BTD: variants seen among roughly 807,000 people sequenced by gnomAD.
BTD encodes the protein biotinidase, also known as biocytinase.
Under a neutral mutation model 17.7 loss-of-function variants are expected in BTD, and 13 were observed. That is an observed-to-expected ratio of 0.74 (90% CI 0.48 to 1.17). BTD has a LOEUF of 1.17. Ranked by LOEUF, BTD falls within the 50% of genes most tolerant of loss-of-function variation. BTD has a pLI of 0.00. For synonymous variants in BTD, 240 were observed against 245.2 expected (o/e 0.98, Z 0.20); for missense variants, 674 against 650.4 (o/e 1.04, Z -0.39).
rs1020187337 is a variant in BTD, at chr3:15,651,439, A to G, written c.*5951A>G. On this transcript the variant is annotated 3_prime_UTR_variant, in exon 4 of 4. Coordinates refer to ENST00000643237, the MANE Select transcript of BTD (RefSeq NM_001370658.1). ...AAGGATAATGCACTACCCAGCGGCC[A>G]GCGACAGCAGGAGCTATGAGCACCC... 2.0e-5 allele frequency among the ~76,000 whole-genome samples: 3 copies of G among 152,226 alleles called. No individual in the cohort carries two copies. The highest frequency in any genetic ancestry group is 2.9e-5 in the Non-Finnish European group (2 of 68,042).
intron 1 of BTD, chr3:15,631,614 C>T: frequency 1.2e-6 from 1 of 846,780 alleles, no homozygotes; most frequent in Middle Eastern, 2.3e-4. Context: ...AAGAACCTTC[C>T]TGATCAGGAC....
chr3:15,644,670 T>C lies in BTD; in HGVS notation c.754T>C (p.Trp252Arg). ...KVKHVVYPTA[W>R]MNQLPLLAAI... is the part of the protein sequence containing the mutation. ...GAAGCATGTTGTGTACCCAACTGCC[T>C]GGATGAACCAGCTCCCACTCTTGGC... Residue 252 changes from tryptophan to arginine, a missense_variant, in exon 4 of 4, where the codon TGG (tryptophan) becomes CGG (arginine). Trp to Arg is a moderately radical substitution (Grantham distance 101, BLOSUM62 -3). Transcript: ENST00000643237. The C allele has an allele frequency of 6.2e-7, 1 of 1,614,210 alleles. No homozygotes were observed. The highest frequency in any genetic ancestry group is 1.1e-5 in the South Asian group (1 of 91,088).
At chr3:15,615,872 G>T (rs907610236) in intron 1 of BTD, among the ~76,000 whole-genome samples, 1 of 152,132 alleles carries the variant, frequency 6.6e-6, no homozygotes, top group East Asian at 1.9e-4. Context: ...TTCCACCACT[G>T]GAAATGTTAC....
Position 15,644,625 on chromosome 3 carries a change from G to T in BTD, c.709G>T (p.Val237Phe). 1 of 1,614,172 alleles carries T rather than the reference G, an allele frequency of 6.2e-7. No individual in the cohort carries two copies. Among genetic ancestry groups the T allele is most frequent in the Non-Finnish European group, 8.5e-7 (1 of 1,180,030 alleles). The change falls in exon 4 of 4, where the codon GTC becomes TTC. Residue 237 changes from valine to phenylalanine, a missense_variant. Val to Phe is a conservative substitution (Grantham distance 50). Transcript: ENST00000643237. Reference protein sequence around the residue: ...DILFFDPAIRVLRDYKVKHVV... With the variant: ...DILFFDPAIRFLRDYKVKHVV... ...ATTGTTCTTTGACCCTGCCATCAGA[G>T]TCCTCAGAGACTACAAGGTGAAGCA...
chr3:15,623,513 T>G (rs1186484192), intron 1 of BTD, among the ~76,000 whole-genome samples: 16 of 152,234 alleles, frequency 1.1e-4, no homozygotes, highest in Non-Finnish European at 2.9e-5. Context: ...AGTTTTGGTG[T>G]TTTAATTGAA....
chr3:15,668,759 T>C (rs1022808275), intron 3 of BTD: 1 of 152,598 alleles, frequency 6.6e-6, no homozygotes, highest in Non-Finnish European at 1.5e-5. Context: ...ATCAAATAGA[T>C]CAAAATACTG....
chr3:15,693,319 T>C (rs78064479), intron 3 of BTD, among the ~76,000 whole-genome samples: 59 of 150,290 alleles, frequency 3.9e-4, no homozygotes, highest in Non-Finnish European at 7.4e-4. Context: ...AAAATAGTAA[T>C]GGGGGGGCAG....
At chr3:15,670,538 G>A (rs768759447) in intron 3 of BTD, 3 of 1,613,782 alleles carry the variant, frequency 1.9e-6, no homozygotes, top group Non-Finnish European at 1.7e-6. Flanking sequence ...GGGAGCACAG[G>A]CCAAAGCTGG....
At chr3:15,686,364 A>T in intron 3 of BTD, 1 of 1,354,984 alleles carries the variant, frequency 7.4e-7, no homozygotes, top group South Asian at 1.3e-5. Context: ...AAAATAGAAA[A>T]TGTCCATCTA....
At chr3:15,697,165 A>G (rs2069717609) in intron 3 of BTD, 2 of 152,218 alleles carry the variant, frequency 1.3e-5, no homozygotes, top group Admixed American at 6.5e-5. Context: ...GGAGATCATT[A>G]TTCTAAGTGA....
intron 3 of BTD, among the ~76,000 whole-genome samples, chr3:15,658,989 C>G (rs1187540848): frequency 2.6e-5 from 4 of 152,198 alleles, no homozygotes; most frequent in African/African-American, 4.8e-5. Context: ...CCACTGATCA[C>G]AGGGGGCTGT....
At chr3:15,716,074 C>T (rs1463465897), downstream of BTD, among the ~76,000 whole-genome samples, 1 of 151,392 alleles carries the variant, frequency 6.6e-6, no homozygotes, top group Non-Finnish European at 1.5e-5. Context: ...CCTCCGCCTC[C>T]CGGGTTCAAG....
intron 4 of BTD, among the ~76,000 whole-genome samples, chr3:15,717,791 C>A (rs2073246311): frequency 6.6e-6 from 1 of 152,132 alleles, no homozygotes; most frequent in Non-Finnish European, 1.5e-5. Flanking sequence ...AAAAAACAGA[C>A]CTATACTGCT....
intron 3 of BTD, chr3:15,670,503 C>T (rs369389957): frequency 1.2e-6 from 2 of 1,613,874 alleles, no homozygotes; most frequent in Non-Finnish European, 1.7e-6. Flanking sequence ...AAAATGAGAG[C>T]CAGGCAATCA....
Position 15,678,336 on chromosome 3 carries a change from G to A in BTD, c.400-31724G>A, listed in dbSNP as rs775806991. On this transcript the variant is annotated intron_variant, in intron 3 of 3. Coordinates refer to the BTD transcript ENST00000672141. ...AACACTCTACATGGTCTGTGAAGGC[G>A]GCTGCATGGAGAGGAGTTCTGTGAT... 34 of 1,606,490 alleles carry A rather than the reference G, an allele frequency of 2.1e-5. 1 individual carries two copies. The Middle Eastern group carries it at 6.6e-4, about 31-fold the overall frequency.
chr3:15,602,187 C>CTTAAA, intron 1 of BTD: 1 of 1,393,714 alleles, frequency 7.2e-7, no homozygotes. Flanking sequence ...CAGATGTGTA[C>CTTAAA]CCCAGCAAGA....
At chr3:15,700,911 A>G (rs544960019) in intron 3 of BTD, among the ~76,000 whole-genome samples, 5 of 152,350 alleles carry the variant, frequency 3.3e-5, no homozygotes, top group Non-Finnish European at 5.9e-5. Flanking sequence ...CATTTGATAC[A>G]TGGAGAAGCC....
intron 1 of BTD, chr3:15,630,017 C>T (rs2065165811): frequency 1.0e-6 from 1 of 985,178 alleles, no homozygotes; most frequent in South Asian, 4.7e-5. Flanking sequence ...TTTCCCCACG[C>T]AGACGCTGTG....
At chr3:15,707,897 CT>C in intron 3 of BTD, 1 of 1,589,254 alleles carries the variant, frequency 6.3e-7, no homozygotes, top group Non-Finnish European at 8.6e-7. Flanking sequence ...AATATTGATC[CT>C]CCACTCTCAC....
Sources: gnomAD v4.1 joint callset for allele counts (sites outside exome capture counted in the v4.1 genomes callset) on GRCh38, gnomAD v4.1.1 for gene constraint, MANE v1.5 for transcripts, NCBI Gene and HGNC (gene_info 2026-07-23, HGNC 2026-07-21) for gene names.